ARHGEF28: variants seen among roughly 807,000 people sequenced by gnomAD.
ARHGEF28 encodes the protein Rho guanine nucleotide exchange factor 28, also known as 190 kDa guanine nucleotide exchange factor.
ARHGEF28 carries 152 observed loss-of-function variants against 206.6 expected under a neutral mutation model. That is an observed-to-expected ratio of 0.74 (90% CI 0.64 to 0.84). The LOEUF (loss-of-function observed/expected upper bound fraction) is 0.84. Ranked by LOEUF, ARHGEF28 falls within the 40% of genes least tolerant of loss-of-function variation. ARHGEF28 has a pLI of 0.00. For missense variants in ARHGEF28, 2,028 were observed against 2,073.2 expected (o/e 0.98, Z 0.42); for synonymous variants, 763 against 776.4 (o/e 0.98, Z 0.29).
chr5:73,723,986 C>T (rs1750127908), intron 2 of ARHGEF28, among the ~76,000 whole-genome samples: 1 of 152,224 alleles, frequency 6.6e-6, no homozygotes, highest in South Asian at 2.1e-4. Context: ...TCTCAAGCTC[C>T]TTGGAATCCC....
In ARHGEF28 at chr5:73,869,750, T is replaced by C. The variant is rs1430109697; in HGVS notation, c.2426-319T>C. ...GGTGAAACCCCATCTCTACCAAAAA[T>C]ATAAAAACTAAGCTAGGTGTGGTGG... On this transcript the variant is annotated intron_variant, in intron 20 of 35. Transcript: ENST00000513042. 2.6e-5 allele frequency among the ~76,000 whole-genome samples: 4 copies of C among 152,014 alleles called. No homozygotes were observed. The East Asian group carries it at 7.8e-4, about 29-fold the overall frequency.
At chr5:73,835,022 G>A (rs1380420939) in intron 10 of ARHGEF28, 1 of 152,172 alleles carries the variant, frequency 6.6e-6, no homozygotes, top group Non-Finnish European at 1.5e-5. Context: ...CAGGATGTGG[G>A]CTGGTCACCG....
At chr5:73,668,001 A>G (rs1205366538) in intron 1 of ARHGEF28, among the ~76,000 whole-genome samples, 1 of 152,120 alleles carries the variant, frequency 6.6e-6, no homozygotes, top group African/African-American at 2.4e-5. Flanking sequence ...GGCCTTTACC[A>G]TTCATATTTC....
chr5:73,634,174 A>G (rs558037245), intron 1 of ARHGEF28, among the ~76,000 whole-genome samples: 12 of 152,302 alleles, frequency 7.9e-5, no homozygotes, highest in African/African-American at 2.9e-4. Context: ...GGAAACAATA[A>G]AAGTGTTATT....
intron 14 of ARHGEF28, among the ~76,000 whole-genome samples, chr5:73,855,869 G>C (rs189356317): frequency 6.6e-6 from 1 of 152,306 alleles, no homozygotes; most frequent in Non-Finnish European, 1.5e-5. Flanking sequence ...GTTGGGAGTA[G>C]AGTTGGGTAA....
intron 9 of ARHGEF28, among the ~76,000 whole-genome samples, chr5:73,809,262 T>C (rs902532394): frequency 2.0e-5 from 3 of 152,016 alleles, no homozygotes; most frequent in South Asian, 4.2e-4. Flanking sequence ...GAATAATATA[T>C]GAAAGGGAAA....
At chr5:73,825,060 T>C (rs1055955678) in intron 9 of ARHGEF28, among the ~76,000 whole-genome samples, 4 of 152,244 alleles carry the variant, frequency 2.6e-5, no homozygotes, top group African/African-American at 9.6e-5. Flanking sequence ...CATTATCCAC[T>C]GCCTGCCTGT....
intron 1 of ARHGEF28, among the ~76,000 whole-genome samples, chr5:73,637,119 A>G (rs1743766908): frequency 6.6e-6 from 1 of 152,226 alleles, no homozygotes; most frequent in Non-Finnish European, 1.5e-5. Context: ...GAATTTTAGG[A>G]TGAATGAAAA....
chr5:73,880,936 C>CAA (rs34087626), intron 22 of ARHGEF28, among the ~76,000 whole-genome samples: 82,625 of 148,088 alleles, frequency 0.56, 23,524 homozygotes, highest in African/African-American at 0.69. Flanking sequence ...CACCCTGCCT[C>CAA]AAAAAAAAAA....
intron 34 of ARHGEF28, among the ~76,000 whole-genome samples, chr5:73,910,791 A>G (rs1282511900): frequency 6.6e-6 from 1 of 152,132 alleles, no homozygotes; most frequent in Non-Finnish European, 1.5e-5. Flanking sequence ...TGAGAATCCT[A>G]TTCGTCCCAG....
intron 9 of ARHGEF28, among the ~76,000 whole-genome samples, chr5:73,797,555 C>T (rs574448959): frequency 6.6e-6 from 1 of 152,276 alleles, no homozygotes; most frequent in East Asian, 1.9e-4. Context: ...CACCCATCAC[C>T]ATGCCCAGGT....
Position 73,860,780 on chromosome 5 carries a change from TG to T in ARHGEF28, c.2047+2564del, listed in dbSNP as rs541235440. On this transcript the variant is annotated intron_variant, in intron 16 of 35. Transcript: ENST00000513042. ...ACTTAAGGACCTCTCTTGTGTTTAC[TG>T]GGCTAAGTCCAAGCTCTTCCCATGG... is the stretch of plus-strand genomic sequence containing the variant. Among the ~76,000 whole-genome samples the T allele has an allele frequency of 2.6e-4, 40 of 152,326 alleles. No homozygotes were observed. In the South Asian group the frequency reaches 7.5e-3, roughly 28 times the overall value.
In ARHGEF28 at chr5:73,849,156, T is replaced by C. The variant is rs560975157; in HGVS notation, c.1747+69T>C. 52 of 1,092,666 alleles carry C rather than the reference T, an allele frequency of 4.8e-5. No individual in the cohort carries two copies. The South Asian group carries it at 6.9e-4, about 14-fold the overall frequency. The allele number at this position is 1,092,666 out of a possible 1,614,324, so 67.7% of individuals were successfully genotyped here. The stretch of plus-strand genomic sequence containing the variant: ...GAACAGATTTTTCAGTTAGTATAAG[T>C]ACATAAAATATTCAAGAACAGCAGA... On this transcript the variant is annotated intron_variant, in intron 13 of 35. Coordinates refer to ENST00000513042, the MANE Select transcript of ARHGEF28 (RefSeq NM_001177693.2).
At chr5:73,829,113 G>A (rs1423829674) in intron 9 of ARHGEF28, among the ~76,000 whole-genome samples, 13 of 152,194 alleles carry the variant, frequency 8.5e-5, no homozygotes, top group African/African-American at 2.2e-4. Flanking sequence ...GTGAGCCACC[G>A]TACCTGGCAT....
In ARHGEF28 at chr5:73,940,898, G is replaced by A. The variant is rs887814001; in HGVS notation, c.5003G>A (p.Arg1668His). 26 of 1,533,356 alleles carry A rather than the reference G, an allele frequency of 1.7e-5. 1 individual carries two copies. The highest frequency in any genetic ancestry group is 7.4e-5 in the East Asian group (3 of 40,438). 95.0% of individuals were successfully genotyped at this position (1,533,356 alleles called of 1,614,324 possible). ...ACCCCCCATGACTCAAATTCACACC[G>A]CCCTCAACTGCAGGCGTTTATAACA... ...SPTPHDSNSH[R>H]PQLQAFITEA... Residue 1668 changes from arginine to histidine, a missense_variant, in exon 36 of 36, where the codon CGC (arginine) becomes CAC (histidine). Arg to His is a conservative substitution (Grantham distance 29, BLOSUM62 0). Coordinates refer to ENST00000513042, the MANE Select transcript of ARHGEF28 (RefSeq NM_001177693.2).
chr5:73,894,277 G>A lies in ARHGEF28; in HGVS notation c.3659-116G>A, dbSNP rs191854024. On this transcript the variant is annotated intron_variant, in intron 28 of 35. Transcript: ENST00000513042. ...GCATCTGCCCCACTCATCAACCTGGGTTTTCTCTTGGAGGTCTTACTGCTT... is the reference window on the plus strand; with the variant it reads ...GCATCTGCCCCACTCATCAACCTGGATTTTCTCTTGGAGGTCTTACTGCTT... 2.8e-3 allele frequency: 3,015 copies of A among 1,080,856 alleles called. 7 individuals carry two copies. The highest frequency in any genetic ancestry group is 6.8e-3 in the Middle Eastern group (27 of 3,996). 67.0% of individuals were successfully genotyped at this position (1,080,856 alleles called of 1,614,324 possible).
intron 35 of ARHGEF28, among the ~76,000 whole-genome samples, chr5:73,921,869 G>A (rs1763538478): frequency 1.3e-5 from 2 of 152,296 alleles, no homozygotes; most frequent in South Asian, 4.1e-4. Flanking sequence ...TTTATTTAAT[G>A]ACCTGCTTCC....
At chr5:73,787,244 C>T (rs1754218507) in intron 7 of ARHGEF28, among the ~76,000 whole-genome samples, 3 of 152,156 alleles carry the variant, frequency 2.0e-5, no homozygotes, top group Admixed American at 6.5e-5. Flanking sequence ...CATTCACTTG[C>T]ATACACAGCT....
Position 73,776,504 on chromosome 5 carries a change from G to A in ARHGEF28, c.660-12G>A, listed in dbSNP as rs766784703. 6.2e-7 allele frequency: 1 copy of A among 1,605,304 alleles called. No individual in the cohort carries two copies. Among genetic ancestry groups the A allele is most frequent in the Non-Finnish European group, 8.5e-7 (1 of 1,174,324 alleles). On this transcript the variant is annotated splice_polypyrimidine_tract_variant and intron_variant, in intron 5 of 35. Coordinates refer to ENST00000513042, the MANE Select transcript of ARHGEF28 (RefSeq NM_001177693.2). The stretch of plus-strand genomic sequence containing the variant: ...TGAAGCTCTGTGTGGGTTTTGATTT[G>A]TGTTGTTTCAGTTTTCAGGGCAGAT...
Sources: allele counts gnomAD v4.1 joint callset (sites outside exome capture counted in the v4.1 genomes callset), GRCh38; gene constraint gnomAD v4.1.1; transcripts MANE v1.5; gene names NCBI Gene and HGNC (gene_info 2026-07-23, HGNC 2026-07-21).